CDH9: variants seen among roughly 807,000 people sequenced by gnomAD.
CDH9 encodes the protein cadherin-9.
In CDH9, 28 loss-of-function variants were observed where a neutral mutation model predicts 70.9. That is an observed-to-expected ratio of 0.40 (90% CI 0.29 to 0.54). The LOEUF is 0.54. Among genes scored for constraint, CDH9 ranks in the 20% least tolerant of loss-of-function variants. CDH9 has a pLI of 0.59. For missense variants in CDH9, 874 were observed against 984.4 expected, an observed-to-expected ratio of 0.89 and a Z score of 1.50; for synonymous variants, 409 against 343.1, an observed-to-expected ratio of 1.19 and a Z score of -2.12.
intron 2 of CDH9, among the ~76,000 whole-genome samples, chr5:26,962,848 T>A (rs1356722694): frequency 6.6e-6 from 1 of 152,158 alleles, no homozygotes; most frequent in African/African-American, 2.4e-5. Context: ...ATTTTAACTA[T>A]TTTTTGTTGG....
intron 3 of CDH9, among the ~76,000 whole-genome samples, chr5:26,913,527 A>G (rs1741090715): frequency 6.6e-6 from 1 of 152,102 alleles, no homozygotes; most frequent in African/African-American, 2.4e-5. Flanking sequence ...CTAGCCAGGT[A>G]GTGAATGCAA....
chr5:26,911,235 A>C (rs1741047887), intron 3 of CDH9, among the ~76,000 whole-genome samples: 1 of 152,166 alleles, frequency 6.6e-6, no homozygotes, highest in African/African-American at 2.4e-5. Flanking sequence ...GCCTTGGCGT[A>C]CATAGAAGTT....
intron 2 of CDH9, among the ~76,000 whole-genome samples, chr5:26,934,512 C>G (rs1470077384): frequency 6.6e-6 from 1 of 152,046 alleles, no homozygotes; most frequent in Non-Finnish European, 1.5e-5. Flanking sequence ...GAGAATAGCA[C>G]CAAGTCATTA....
chr5:27,032,346 CAG>C (rs1743323088), intron 1 of CDH9, among the ~76,000 whole-genome samples: 1 of 151,312 alleles, frequency 6.6e-6, no homozygotes, highest in Non-Finnish European at 1.5e-5. Context: ...ACAAAAAAGA[CAG>C]ATGAATATCA....
At chr5:27,009,626 C>T (rs913196335) in intron 1 of CDH9, among the ~76,000 whole-genome samples, 1 of 152,118 alleles carries the variant, frequency 6.6e-6, no homozygotes, top group African/African-American at 2.4e-5. Flanking sequence ...TATATATACA[C>T]TCCTTGAGAG....
chr5:26,983,124 A>G (rs1742429667), intron 2 of CDH9, among the ~76,000 whole-genome samples: 1 of 152,126 alleles, frequency 6.6e-6, no homozygotes, highest in African/African-American at 2.4e-5. Context: ...CAACAAACAG[A>G]TATGAGATTA....
At chr5:27,007,614 G>A (rs1742888058) in intron 1 of CDH9, among the ~76,000 whole-genome samples, 1 of 151,806 alleles carries the variant, frequency 6.6e-6, no homozygotes, top group Non-Finnish European at 1.5e-5. Context: ...TATAAAATAT[G>A]GACTATTACA....
intron 11 of CDH9, among the ~76,000 whole-genome samples, chr5:26,882,509 G>T (rs934772383): frequency 6.6e-6 from 1 of 151,932 alleles, no homozygotes. Flanking sequence ...ACTGGAAGAT[G>T]AACCTTTTTC....
At chr5:26,965,444 CG>C (rs1742112598) in intron 2 of CDH9, among the ~76,000 whole-genome samples, 1 of 151,560 alleles carries the variant, frequency 6.6e-6, no homozygotes, top group Admixed American at 6.6e-5. Context: ...GGCGTGGTGG[CG>C]GGTGCCTGTA....
chr5:27,018,411 G>A (rs1451110896), intron 1 of CDH9, among the ~76,000 whole-genome samples: 2 of 151,638 alleles, frequency 1.3e-5, no homozygotes, highest in African/African-American at 4.8e-5. Context: ...ATATGTAATT[G>A]TAATTGAAGA....
chr5:26,977,459 A>G (rs1236205790), intron 2 of CDH9, among the ~76,000 whole-genome samples: 1 of 138,566 alleles, frequency 7.2e-6, no homozygotes, highest in Non-Finnish European at 1.5e-5. Flanking sequence ...TTATATAGAG[A>G]TATATATGTG....
At chr5:26,883,337 A>C (rs908127281) in intron 11 of CDH9, among the ~76,000 whole-genome samples, 1 of 151,734 alleles carries the variant, frequency 6.6e-6, no homozygotes, top group Non-Finnish European at 1.5e-5. Context: ...TAATTCCCAC[A>C]AATGGTCCTT....
intron 7 of CDH9, among the ~76,000 whole-genome samples, chr5:26,897,166 G>A (rs1740766749): frequency 6.6e-6 from 1 of 151,964 alleles, no homozygotes; most frequent in Non-Finnish European, 1.5e-5. Context: ...CTGAAATTCA[G>A]GCAGTAATTA....
chr5:26,965,544 C>T (rs912436353), intron 2 of CDH9, among the ~76,000 whole-genome samples: 1 of 150,624 alleles, frequency 6.6e-6, no homozygotes, highest in Non-Finnish European at 1.5e-5. Flanking sequence ...CCATTGGAAT[C>T]CAGCGTGCAT....
chr5:27,022,616 C>T (rs928440765), intron 1 of CDH9, among the ~76,000 whole-genome samples: 1 of 152,058 alleles, frequency 6.6e-6, no homozygotes, highest in Non-Finnish European at 1.5e-5. Flanking sequence ...GAATTTGTTA[C>T]GGGGTAATGC....
At chr5:27,008,415 G>A (rs1742903633) in intron 1 of CDH9, among the ~76,000 whole-genome samples, 1 of 151,854 alleles carries the variant, frequency 6.6e-6, no homozygotes, top group Admixed American at 6.6e-5. Flanking sequence ...ACTTGAACAG[G>A]TGAGGCACTG....
At chr5:26,984,941 T>C (rs1742464796) in intron 2 of CDH9, among the ~76,000 whole-genome samples, 1 of 152,144 alleles carries the variant, frequency 6.6e-6, no homozygotes, top group Admixed American at 6.6e-5. Flanking sequence ...TGAAATGCCA[T>C]AAAAAATTCT....
intron 2 of CDH9, among the ~76,000 whole-genome samples, chr5:26,934,933 GAA>G (rs201260109): frequency 7.8e-5 from 11 of 140,210 alleles, no homozygotes; most frequent in Admixed American, 2.1e-4. Flanking sequence ...TAAAGATACT[GAA>G]AAAAAAAAAA....
chr5:26,884,961 T>C (rs1455614943), intron 11 of CDH9, among the ~76,000 whole-genome samples: 1 of 152,202 alleles, frequency 6.6e-6, no homozygotes, highest in Non-Finnish European at 1.5e-5. Context: ...GACATAGTGA[T>C]ATTTTTTAAA....
Sources: allele counts gnomAD v4.1 joint callset (sites outside exome capture counted in the v4.1 genomes callset), GRCh38; gene constraint gnomAD v4.1.1; transcripts MANE v1.5; gene names NCBI Gene and HGNC (gene_info 2026-07-23, HGNC 2026-07-21).